LPP: variants seen among roughly 807,000 people sequenced by gnomAD.
LPP encodes LIM domain containing preferred translocation partner in lipoma, also known as lipoma-preferred partner.
Under a neutral mutation model 60.4 loss-of-function variants are expected in LPP, and 38 were observed. That is an observed-to-expected ratio of 0.63 (90% confidence interval 0.49 to 0.83). LPP has a LOEUF of 0.83. Among genes scored for constraint, LPP ranks in the 40% least tolerant of loss-of-function variants. LPP has a pLI of 0.00. For missense variants in LPP, 902 were observed against 783.6 expected (o/e 1.15, Z -1.80); for synonymous variants, 328 against 290.8 (o/e 1.13, Z -1.30).
chr3:188,530,621 A>G (rs555256124), intron 6 of LPP, among the ~76,000 whole-genome samples: 4 of 152,348 alleles, frequency 2.6e-5, no homozygotes, highest in East Asian at 1.9e-4. Flanking sequence ...TCCCCGAACT[A>G]TGACACAAAG....
intron 2 of LPP, among the ~76,000 whole-genome samples, chr3:188,244,043 G>A (rs942876473): frequency 1.3e-5 from 2 of 152,076 alleles, no homozygotes; most frequent in African/African-American, 4.8e-5. Flanking sequence ...GCTAATTTTT[G>A]TATTTTTAGT....
chr3:188,882,035 A>G lies in LPP; in HGVS notation c.*7556A>G, dbSNP rs951790371. The G allele has an allele frequency of 1.4e-5, 3 of 210,372 alleles. No homozygotes were observed. The highest frequency in any genetic ancestry group is 2.9e-5 in the Non-Finnish European group (3 of 103,798). 13.0% of individuals were successfully genotyped at this position (210,372 alleles called of 1,614,324 possible). A position where few individuals can be genotyped will look rare whatever the true frequency, so the allele number is the denominator to read the frequency against. On this transcript the variant is annotated 3_prime_UTR_variant, in exon 12 of 12. Transcript: ENST00000617246. ...TCCTTATCTCTTACTCAGCTCTTCA[A>G]TTTATAATTACCAAATAATCACTGT...
intron 4 of LPP, among the ~76,000 whole-genome samples, chr3:188,449,027 C>T (rs1163031889): frequency 1.3e-5 from 2 of 152,192 alleles, no homozygotes; most frequent in African/African-American, 2.4e-5. Context: ...TAGAAAGTGA[C>T]ACACTAGTCA....
chr3:188,658,329 A>G (rs1446455596), intron 7 of LPP, among the ~76,000 whole-genome samples: 1 of 152,254 alleles, frequency 6.6e-6, no homozygotes, highest in East Asian at 1.9e-4. Context: ...TATTTTTAGT[A>G]GAGATAGAGT....
chr3:188,775,209 C>T (rs563788070), intron 9 of LPP, among the ~76,000 whole-genome samples: 133 of 152,162 alleles, frequency 8.7e-4, no homozygotes, highest in African/African-American at 2.8e-3. Context: ...TGTGCCACCA[C>T]GCCCAGCTAA....
intron 6 of LPP, among the ~76,000 whole-genome samples, chr3:188,525,767 A>T (rs1820421826): frequency 6.6e-6 from 1 of 152,230 alleles, no homozygotes; most frequent in Non-Finnish European, 1.5e-5. Context: ...TACTGGTACC[A>T]CCAGTTAGTT....
At chr3:188,354,226 C>T (rs1766831109) in intron 3 of LPP, among the ~76,000 whole-genome samples, 1 of 151,982 alleles carries the variant, frequency 6.6e-6, no homozygotes, top group Non-Finnish European at 1.5e-5. Context: ...GGAAAAACAC[C>T]ATTGACTAAT....
chr3:188,158,775 A>G (rs1169541758), intron 1 of LPP, among the ~76,000 whole-genome samples: 1 of 152,210 alleles, frequency 6.6e-6, no homozygotes, highest in Non-Finnish European at 1.5e-5. Flanking sequence ...CTTCTGCCTC[A>G]TTCTTATAGC....
intron 2 of LPP, among the ~76,000 whole-genome samples, chr3:188,279,371 A>C (rs1741135756): frequency 6.6e-6 from 1 of 152,212 alleles, no homozygotes; most frequent in African/African-American, 2.4e-5. Context: ...ATTGTATTAA[A>C]TATAATTCTG....
intron 3 of LPP, among the ~76,000 whole-genome samples, chr3:188,369,278 G>A (rs73050714): frequency 0.011 from 1,695 of 152,144 alleles, 26 homozygotes; most frequent in African/African-American, 0.037. Context: ...TTGATAGGTT[G>A]GGGATCACAG....
At chr3:188,473,195 C>T (rs553021796) in intron 4 of LPP, among the ~76,000 whole-genome samples, 17 of 152,258 alleles carry the variant, frequency 1.1e-4, no homozygotes, top group Non-Finnish European at 2.2e-4. Context: ...AAAGGATTCT[C>T]ATTTAGTCAT....
Position 188,809,946 on chromosome 3 carries a change from C to T in LPP, c.1410+49664C>T, listed in dbSNP as rs149729312. Among the ~76,000 whole-genome samples, 1,509 of 152,154 alleles carry T rather than the reference C, an allele frequency of 9.9e-3. 29 individuals are homozygous for T. Among genetic ancestry groups the T allele is most frequent in the African/African-American group, 0.034 (1,431 of 41,498 alleles). ...CATTTATTAAATAAGGAACCCTTTC[C>T]CCATTGCTTGTTTTTGTCAGGTTTG... On this transcript the variant is annotated intron_variant, in intron 9 of 11. Coordinates refer to ENST00000617246, the MANE Select transcript of LPP (RefSeq NM_001375462.1).
chr3:188,512,566 A>AATAAATAC (rs1553917941), intron 5 of LPP, among the ~76,000 whole-genome samples: 6 of 150,318 alleles, frequency 4.0e-5, no homozygotes, highest in African/African-American at 1.5e-4. Context: ...TCTATAAATA[A>AATAAATAC]ATAAATAAAT....
intron 4 of LPP, among the ~76,000 whole-genome samples, chr3:188,444,206 C>A (rs1359495261): frequency 6.6e-6 from 1 of 151,700 alleles, no homozygotes. Context: ...TTGTTCTACA[C>A]AGCATTGATA....
chr3:188,395,160 G>A (rs534325861), intron 3 of LPP, among the ~76,000 whole-genome samples: 4 of 152,178 alleles, frequency 2.6e-5, no homozygotes, highest in African/African-American at 9.6e-5. Flanking sequence ...TCTATTATTT[G>A]TGGATTAAAA....
chr3:188,672,471 G>A (rs897930686), intron 7 of LPP, among the ~76,000 whole-genome samples: 16 of 152,080 alleles, frequency 1.1e-4, no homozygotes, highest in African/African-American at 3.6e-4. Flanking sequence ...GAGTTAGGGA[G>A]GGTTAAAGGA....
chr3:188,718,528 A>C (rs895667742), intron 8 of LPP, among the ~76,000 whole-genome samples: 16 of 152,240 alleles, frequency 1.1e-4, no homozygotes, highest in African/African-American at 3.9e-4. Flanking sequence ...AAGAAACAAA[A>C]GAGATTCCCA....
chr3:188,779,962 T>C (rs1274652919), intron 9 of LPP, among the ~76,000 whole-genome samples: 1 of 151,978 alleles, frequency 6.6e-6, no homozygotes, highest in East Asian at 1.9e-4. Flanking sequence ...TAAATATATA[T>C]ATATATGAGG....
In LPP at chr3:188,515,884, G is replaced by C. The variant is rs1260290802; in HGVS notation, c.307-8781G>C. Among the ~76,000 whole-genome samples, 2 of 152,098 alleles carry C rather than the reference G, an allele frequency of 1.3e-5. 1 individual carries two copies. The highest frequency in any genetic ancestry group is 2.9e-5 in the Non-Finnish European group (2 of 68,036). ...TACAAAGAGTATCAAATAACATAGT[G>C]AATTTGATATCTCTAGGCAAAAGTG... On this transcript the variant is annotated intron_variant, in intron 5 of 11. Transcript: ENST00000617246.
Sources: allele counts gnomAD v4.1 joint callset (sites outside exome capture counted in the v4.1 genomes callset), GRCh38; gene constraint gnomAD v4.1.1; transcripts MANE v1.5; gene names NCBI Gene and HGNC (gene_info 2026-07-23, HGNC 2026-07-21).